The following SPMIP5 variants were observed in gnomAD, a reference collection of about 807,000 sequenced individuals.
SPMIP5 encodes sperm microtubule inner protein 5.
chr10:116,665,810 G>A, the SPMIP5 span: 3 of 1,611,384 alleles, frequency 1.9e-6, no homozygotes, highest in East Asian at 2.2e-5. Context: ...CTTGGCAGCT[G>A]AGGAATGGCA....
At chr10:116,664,736 G>A in the SPMIP5 span, 4 of 1,607,808 alleles carry the variant, frequency 2.5e-6, no homozygotes, top group Non-Finnish European at 3.4e-6. Context: ...CTTGTGCCTG[G>A]GGTACGGACC....
At chr10:116,665,530 A>G in the SPMIP5 span, 1 of 1,345,646 alleles carries the variant, frequency 7.4e-7, no homozygotes, top group Non-Finnish European at 1.0e-6. Context: ...TCTGGGTGCT[A>G]TGGGGCAGCT....
chr10:116,664,298 T>G, the SPMIP5 span: 1 of 1,472,794 alleles, frequency 6.8e-7, no homozygotes, highest in African/African-American at 1.4e-5. Context: ...AGTCACAAAG[T>G]TATGGACCTT....
chr10:116,664,942 T>C, the SPMIP5 span: 77 of 1,611,340 alleles, frequency 4.8e-5, no homozygotes, highest in East Asian at 1.5e-3. Context: ...TTTACATATT[T>C]GCATTCTGTA....
chr10:116,670,259 T>G, the SPMIP5 span: 1 of 140,784 alleles, frequency 7.1e-6, no homozygotes, highest in African/African-American at 2.5e-5. Context: ...GTGTAGACAC[T>G]GCGGCGCCTG....
chr10:116,664,266 T>A, the SPMIP5 span: 1 of 1,590,234 alleles, frequency 6.3e-7, no homozygotes, highest in Non-Finnish European at 8.6e-7. Flanking sequence ...GCTAACTCCA[T>A]ATATTCTAAA....
the SPMIP5 span, chr10:116,664,993 T>C: frequency 6.4e-7 from 1 of 1,573,428 alleles, no homozygotes; most frequent in Non-Finnish European, 8.6e-7. Context: ...AAAAAATGTT[T>C]TCCACTGACC....
At chr10:116,668,740 C>T in the SPMIP5 span, among the ~76,000 whole-genome samples, 2 of 151,914 alleles carry the variant, frequency 1.3e-5, no homozygotes, top group South Asian at 2.1e-4. Context: ...AGATGAGGCC[C>T]GCACACCCCC....
chr10:116,668,160 G>A, the SPMIP5 span: 1 of 1,217,666 alleles, frequency 8.2e-7, no homozygotes, highest in Non-Finnish European at 1.2e-6. Flanking sequence ...GACTGGTCCA[G>A]TTGGCTGCAC....
At chr10:116,663,840 C>T in the SPMIP5 span, 1 of 1,455,042 alleles carries the variant, frequency 6.9e-7, no homozygotes, top group Non-Finnish European at 9.0e-7. Flanking sequence ...GGCGTGATTC[C>T]AACATGAGAA....
chr10:116,664,518 C>G, the SPMIP5 span: 1 of 868,446 alleles, frequency 1.2e-6, no homozygotes, highest in Non-Finnish European at 1.6e-6. Flanking sequence ...TACTCCCATC[C>G]CCTCCCTGCA....
chr10:116,665,855 T>C, the SPMIP5 span: 1 of 1,574,596 alleles, frequency 6.4e-7, no homozygotes, highest in Non-Finnish European at 8.7e-7. Context: ...ATCACAGCCT[T>C]CAGCAAGACT....
At chr10:116,663,181 CAA>C in the SPMIP5 span, among the ~76,000 whole-genome samples, 40,356 of 96,184 alleles carry the variant, frequency 0.42, 6,122 homozygotes, top group Middle Eastern at 0.51. Flanking sequence ...GATTCTGTCT[CAA>C]AAAAAAAAAA....
the SPMIP5 span, chr10:116,664,727 T>A: frequency 6.2e-7 from 1 of 1,605,138 alleles, no homozygotes; most frequent in Non-Finnish European, 8.5e-7. Flanking sequence ...CCCTTTGACC[T>A]TGTGCCTGGG....
the SPMIP5 span, chr10:116,668,395 G>T: frequency 8.3e-7 from 1 of 1,204,778 alleles, no homozygotes; most frequent in Non-Finnish European, 1.2e-6. Flanking sequence ...ACTATTGAGT[G>T]TGCACAAGCT....
the SPMIP5 span, among the ~76,000 whole-genome samples, chr10:116,663,181 C>CA: frequency 0.084 from 8,116 of 96,680 alleles, 361 homozygotes; most frequent in East Asian, 0.17. Context: ...GATTCTGTCT[C>CA]AAAAAAAAAA....
the SPMIP5 span, chr10:116,664,579 G>T: frequency 8.3e-7 from 1 of 1,200,576 alleles, no homozygotes; most frequent in Non-Finnish European, 1.1e-6. Context: ...AGCACAGGTT[G>T]GGAGCAGAGG....
chr10:116,665,877 A>G, the SPMIP5 span: 3 of 1,508,730 alleles, frequency 2.0e-6, no homozygotes, highest in Non-Finnish European at 2.7e-6. Flanking sequence ...GCCAGCAAGG[A>G]ATTCAGAGCC....
the SPMIP5 span, chr10:116,668,301 G>A: frequency 6.2e-7 from 1 of 1,613,530 alleles, no homozygotes; most frequent in South Asian, 1.1e-5. Context: ...TGAAGGTCTT[G>A]GAAGGCTCCA....
Sources: gnomAD v4.1 joint callset for allele counts (sites outside exome capture counted in the v4.1 genomes callset) on GRCh38, gnomAD v4.1.1 for gene constraint, MANE v1.5 for transcripts, NCBI Gene and HGNC (gene_info 2026-07-23, HGNC 2026-07-21) for gene names.